Variants in CNGB3 observed in about 807,000 individuals in gnomAD.
CNGB3 encodes cyclic nucleotide gated channel subunit beta 3.
A neutral mutation model predicts 92.8 loss-of-function variants in CNGB3; 86 were observed. That is an observed-to-expected ratio of 0.93 (90% CI 0.78 to 1.11). The LOEUF (loss-of-function observed/expected upper bound fraction) is 1.11. Among genes scored for constraint, CNGB3 ranks in the 50% least tolerant of loss-of-function variants. The pLI is 0.00. For synonymous variants in CNGB3, 333 were observed against 332.7 expected (o/e 1.00, Z -0.01); for missense variants, 1,026 against 956.8 (o/e 1.07, Z -0.95).
intron 14 of CNGB3, among the ~76,000 whole-genome samples, chr8:86,607,095 G>A (rs1041935216): frequency 2.0e-5 from 3 of 152,222 alleles, no homozygotes; most frequent in African/African-American, 7.2e-5. Flanking sequence ...ACAACTGACT[G>A]GAGGTAGAAG....
At chr8:86,701,123 C>T (rs1288744057) in intron 3 of CNGB3, among the ~76,000 whole-genome samples, 1 of 152,050 alleles carries the variant, frequency 6.6e-6, no homozygotes, top group Non-Finnish European at 1.5e-5. Flanking sequence ...GCAAATGAAC[C>T]TGTTATTTTC....
intron 4 of CNGB3, among the ~76,000 whole-genome samples, chr8:86,669,219 GT>G (rs745451940): frequency 6.6e-6 from 1 of 151,832 alleles, no homozygotes; most frequent in Non-Finnish European, 1.5e-5. Flanking sequence ...GGATTTTACA[GT>G]TTTTAAACTG....
chr8:86,620,965 A>G lies in CNGB3; in HGVS notation c.1578+5018T>C, dbSNP rs143235022. Among the ~76,000 whole-genome samples, 748 of 152,300 alleles carry G rather than the reference A, an allele frequency of 4.9e-3. 4 individuals carry two copies. Among genetic ancestry groups the G allele is most frequent in the Non-Finnish European group, 4.8e-3 (324 of 68,022 alleles). On this transcript the variant is annotated intron_variant, in intron 13 of 17. Transcript: ENST00000320005. ...ATGGATTCTTTCTGGAAAGAACTGT[A>G]TCTTTAACAGAAATGTCAGGAAAGA...
intron 10 of CNGB3, among the ~76,000 whole-genome samples, chr8:86,635,208 C>T (rs1823038982): frequency 6.6e-6 from 1 of 151,942 alleles, no homozygotes; most frequent in Non-Finnish European, 1.5e-5. Context: ...TTTATAATTT[C>T]CTATTACCTG....
chr8:86,589,500 A>G (rs1453036026), intron 15 of CNGB3, among the ~76,000 whole-genome samples: 2 of 151,346 alleles, frequency 1.3e-5, no homozygotes, highest in Non-Finnish European at 2.9e-5. Context: ...CCCTCTACAC[A>G]CTGCTTTGAA....
At chr8:86,724,908 G>T (rs1462956302) in intron 3 of CNGB3, among the ~76,000 whole-genome samples, 1 of 152,020 alleles carries the variant, frequency 6.6e-6, no homozygotes, top group African/African-American at 2.4e-5. Context: ...GTTGTGTGTT[G>T]GGAGAGGACA....
At chr8:86,627,343 T>C (rs1822869994) in intron 12 of CNGB3, among the ~76,000 whole-genome samples, 1 of 152,114 alleles carries the variant, frequency 6.6e-6, no homozygotes, top group Non-Finnish European at 1.5e-5. Flanking sequence ...GCCTGCCCAC[T>C]TCAGATGCCT....
chr8:86,701,480 G>A (rs1229849570), intron 3 of CNGB3, among the ~76,000 whole-genome samples: 1 of 152,000 alleles, frequency 6.6e-6, no homozygotes, highest in Non-Finnish European at 1.5e-5. Flanking sequence ...TAATTCAATT[G>A]CACTTAAACA....
intron 3 of CNGB3, 134 bp downstream of exon 3, chr8:86,726,396 GT>G (rs943187169): frequency 8.8e-6 from 11 of 1,249,426 alleles, no homozygotes; most frequent in African/African-American, 7.4e-5. Flanking sequence ...TTCTGACACA[GT>G]TTTTTTGTGT....
intron 7 of CNGB3, 103 bp downstream of exon 7, chr8:86,653,909 A>T: frequency 1.2e-6 from 1 of 825,778 alleles, no homozygotes; most frequent in South Asian, 1.4e-5. Flanking sequence ...TGTCTAATAA[A>T]ACTTCGTATG....
intron 3 of CNGB3, among the ~76,000 whole-genome samples, chr8:86,723,182 C>T (rs1313416103): frequency 2.0e-5 from 3 of 152,096 alleles, no homozygotes; most frequent in African/African-American, 7.2e-5. Context: ...TATGCATTCT[C>T]CCCAGTACCT....
chr8:86,689,208 C>G (rs921315891), intron 3 of CNGB3, among the ~76,000 whole-genome samples: 4 of 151,242 alleles, frequency 2.6e-5, no homozygotes, highest in Admixed American at 2.6e-4. Flanking sequence ...TATGGTCTAC[C>G]CTTGAGAATG....
rs372125379 is a variant in CNGB3, at chr8:86,730,710, A to G, written c.212-4053T>C. Among the ~76,000 whole-genome samples, 12 of 152,310 alleles carry G rather than the reference A, an allele frequency of 7.9e-5. No individual in the cohort carries two copies. The South Asian group carries it at 2.5e-3, about 32-fold the overall frequency. On this transcript the variant is annotated intron_variant, in intron 2 of 17. Transcript: ENST00000320005. ...GCACCTGAGGTTGTATTTTTGACTC[A>G]GCTTGTGGCTAATTTCAGAGTTGCT...
At chr8:86,708,982 GT>G (rs1319728921) in intron 3 of CNGB3, among the ~76,000 whole-genome samples, 1 of 152,136 alleles carries the variant, frequency 6.6e-6, no homozygotes, top group Non-Finnish European at 1.5e-5. Flanking sequence ...GAGAAATAGG[GT>G]GTGGCTGGTC....
chr8:86,681,483 A>G (rs1020761995), intron 3 of CNGB3, among the ~76,000 whole-genome samples: 5 of 152,080 alleles, frequency 3.3e-5, no homozygotes, highest in Non-Finnish European at 7.4e-5. Context: ...GAATAGATCT[A>G]GAAGTTACAA....
At chr8:86,655,358 G>A (rs1435380288) in intron 6 of CNGB3, among the ~76,000 whole-genome samples, 1 of 152,126 alleles carries the variant, frequency 6.6e-6, no homozygotes, top group Admixed American at 6.6e-5. Flanking sequence ...CCTTTTCAGG[G>A]TATACAAAGC....
chr8:86,736,330 C>CTGCAGATTTAAA (rs1361825567), intron 2 of CNGB3, among the ~76,000 whole-genome samples: 2 of 152,162 alleles, frequency 1.3e-5, no homozygotes, highest in African/African-American at 4.8e-5. Flanking sequence ...CATGCCAAGT[C>CTGCAGATTTAAA]TGCAGATTTA....
intron 12 of CNGB3, among the ~76,000 whole-genome samples, chr8:86,627,980 CTTAA>C (rs1440280149): frequency 1.3e-5 from 2 of 152,158 alleles, no homozygotes; most frequent in Admixed American, 6.5e-5. Flanking sequence ...TCTAGTCTCA[CTTAA>C]TTACTAGTAA....
At chr8:86,684,813 T>C (rs964552555) in intron 3 of CNGB3, among the ~76,000 whole-genome samples, 31 of 152,102 alleles carry the variant, frequency 2.0e-4, no homozygotes, top group Non-Finnish European at 4.4e-4. Context: ...AGATGGAGAA[T>C]AGCGATTGTC....
Sources: allele counts gnomAD v4.1 joint callset (sites outside exome capture counted in the v4.1 genomes callset), GRCh38; gene constraint gnomAD v4.1.1; transcripts MANE v1.5; gene names NCBI Gene and HGNC (gene_info 2026-07-23, HGNC 2026-07-21).